UGGT2: variants seen among roughly 807,000 people sequenced by gnomAD.
UGGT2 encodes UDP-glucose glycoprotein glucosyltransferase 2.
Under a neutral mutation model 192.1 loss-of-function variants are expected in UGGT2, and 180 were observed. The ratio of observed to expected loss-of-function variants is 0.94; its 90% CI spans 0.83 to 1.06. The LOEUF is 1.06. Ranked by LOEUF, UGGT2 falls within the 50% of genes least tolerant of loss-of-function variation. The pLI is 0.00. For missense variants in UGGT2, 1,849 were observed against 1,795.7 expected, an observed-to-expected ratio of 1.03 and a Z score of -0.54; for synonymous variants, 580 against 591.0, an observed-to-expected ratio of 0.98 and a Z score of 0.27.
chr13:95,898,654 A>G (rs1012491614), intron 22 of UGGT2, among the ~76,000 whole-genome samples: 3 of 152,092 alleles, frequency 2.0e-5, no homozygotes, highest in African/African-American at 7.2e-5. Flanking sequence ...GGAGGTGTTT[A>G]GGTCATGAGG....
chr13:95,931,659 C>T (rs938316592), intron 17 of UGGT2, among the ~76,000 whole-genome samples: 8 of 152,100 alleles, frequency 5.3e-5, no homozygotes, highest in Non-Finnish European at 2.9e-5. Context: ...GCTGGCCCAG[C>T]GCACCCTCTG....
intron 38 of UGGT2, among the ~76,000 whole-genome samples, chr13:95,807,715 C>CTTTTTTTTTTTTTTTTTTT (rs200081851): frequency 2.1e-5 from 1 of 48,040 alleles, no homozygotes; most frequent in Non-Finnish European, 4.2e-5. Flanking sequence ...TCAGCCCTCA[C>CTTTTTTTTTTTTTTTTTTT]CTTTTTTTTT....
chr13:95,872,666 T>C (rs1038475668), intron 29 of UGGT2, among the ~76,000 whole-genome samples: 4 of 152,162 alleles, frequency 2.6e-5, no homozygotes, highest in African/African-American at 9.6e-5. Flanking sequence ...ACAAACAAGT[T>C]TGTAAGTTAT....
chr13:95,956,415 T>A (rs1030694038), intron 12 of UGGT2, among the ~76,000 whole-genome samples: 1 of 152,172 alleles, frequency 6.6e-6, no homozygotes, highest in Non-Finnish European at 1.5e-5. Context: ...AAATCATATA[T>A]CTGATAAGGA....
chr13:95,914,987 T>C (rs2048636344), intron 20 of UGGT2, among the ~76,000 whole-genome samples: 1 of 152,214 alleles, frequency 6.6e-6, no homozygotes, highest in African/African-American at 2.4e-5. Flanking sequence ...AAAATGCTTC[T>C]ATGGGTCAAT....
At chr13:95,996,027 TATA>T in intron 7 of UGGT2, 33 bp downstream of exon 7, 1 of 1,570,090 alleles carries the variant, frequency 6.4e-7, no homozygotes, top group Non-Finnish European at 8.8e-7. Context: ...AACCAATGGG[TATA>T]ATAATACCAA....
At chr13:95,876,718 T>C (rs1891715536) in intron 29 of UGGT2, among the ~76,000 whole-genome samples, 1 of 152,120 alleles carries the variant, frequency 6.6e-6, no homozygotes. Flanking sequence ...TGTGCTACAC[T>C]GCAGTGCTGT....
intron 21 of UGGT2, among the ~76,000 whole-genome samples, chr13:95,901,210 G>C (rs892318363): frequency 6.6e-6 from 1 of 151,832 alleles, no homozygotes; most frequent in Non-Finnish European, 1.5e-5. Flanking sequence ...AATTACTAGG[G>C]AACATCAATT....
chr13:96,000,325 G>A (rs998973080), intron 5 of UGGT2, among the ~76,000 whole-genome samples: 1 of 152,126 alleles, frequency 6.6e-6, no homozygotes, highest in African/African-American at 2.4e-5. Context: ...TTTCTACCAA[G>A]CCTTATTGAT....
chr13:95,860,921 C>A, intron 31 of UGGT2, 38 bp from the exon 32 acceptor site: 1 of 1,292,346 alleles, frequency 7.7e-7, no homozygotes, highest in Non-Finnish European at 1.1e-6. Flanking sequence ...CTTAAACATA[C>A]ATATGGAAAC....
chr13:95,962,411 T>C (rs191582332), intron 12 of UGGT2, among the ~76,000 whole-genome samples: 565 of 152,222 alleles, frequency 3.7e-3, no homozygotes, highest in Non-Finnish European at 5.1e-3. Flanking sequence ...GAGACTATTA[T>C]AGAAAACTAT....
intron 36 of UGGT2, among the ~76,000 whole-genome samples, chr13:95,841,670 T>C (rs1447297646): frequency 1.3e-5 from 2 of 152,254 alleles, no homozygotes; most frequent in Non-Finnish European, 2.9e-5. Flanking sequence ...TCTTGTGTCC[T>C]TTAAAGCATA....
chr13:95,996,135 G>C lies in UGGT2; in HGVS notation c.758C>G (p.Thr253Ser). The change falls in exon 7 of 39, where the codon ACT (threonine) becomes AGT (serine). Residue 253 changes from threonine to serine, a missense_variant and splice_region_variant. Coordinates refer to ENST00000376747, the MANE Select transcript of UGGT2 (RefSeq NM_020121.4). ...YKALDDTQVK[T>S]VTNTTVEDET... ...ATCCTCTACAGTAGTATTAGTCACAGCTACATTTTGGAAACAAAACCAAAA... is the reference window on the plus strand; with the variant it reads ...ATCCTCTACAGTAGTATTAGTCACACCTACATTTTGGAAACAAAACCAAAA... 6.2e-7 allele frequency: 1 copy of C among 1,604,926 alleles called. No homozygotes were observed. Among genetic ancestry groups the C allele is most frequent in the Non-Finnish European group, 8.5e-7 (1 of 1,177,388 alleles).
At chr13:95,830,506 C>T (rs1886545233) in intron 38 of UGGT2, among the ~76,000 whole-genome samples, 1 of 152,212 alleles carries the variant, frequency 6.6e-6, no homozygotes, top group South Asian at 2.1e-4. Flanking sequence ...GATATTTATG[C>T]AGCCAACAGA....
intron 17 of UGGT2, among the ~76,000 whole-genome samples, chr13:95,929,828 A>G (rs2049181719): frequency 6.6e-6 from 1 of 152,032 alleles, no homozygotes; most frequent in African/African-American, 2.4e-5. Flanking sequence ...GTTGAATGGT[A>G]GTTCTGTTTT....
At chr13:95,824,416 A>G (rs1031476223) in intron 38 of UGGT2, among the ~76,000 whole-genome samples, 17 of 150,672 alleles carry the variant, frequency 1.1e-4, no homozygotes, top group African/African-American at 4.1e-4. Context: ...CTTCTTCCTC[A>G]GGAACACCAA....
chr13:95,841,866 T>C (rs1342534973), intron 36 of UGGT2, among the ~76,000 whole-genome samples: 1 of 152,200 alleles, frequency 6.6e-6, no homozygotes, highest in Non-Finnish European at 1.5e-5. Flanking sequence ...TTTTTATATA[T>C]GATGTGAGGT....
intron 38 of UGGT2, among the ~76,000 whole-genome samples, chr13:95,814,395 G>A (rs1884718546): frequency 6.6e-6 from 1 of 152,240 alleles, no homozygotes; most frequent in African/African-American, 2.4e-5. Flanking sequence ...AGTCAAAGGA[G>A]ATTATTTCGG....
intron 1 of UGGT2, among the ~76,000 whole-genome samples, chr13:96,049,110 G>C (rs988980830): frequency 9.2e-5 from 14 of 152,162 alleles, no homozygotes; most frequent in African/African-American, 3.4e-4. Context: ...AAATCCAGCA[G>C]CATCTCAAAA....
Sources: gnomAD v4.1 joint callset for allele counts (sites outside exome capture counted in the v4.1 genomes callset) on GRCh38, gnomAD v4.1.1 for gene constraint, MANE v1.5 for transcripts, NCBI Gene and HGNC (gene_info 2026-07-23, HGNC 2026-07-21) for gene names.